Variants in CES1 observed in about 807,000 individuals in gnomAD.
The protein encoded by CES1 is liver carboxylesterase 1.
A neutral mutation model predicts 53.0 loss-of-function variants in CES1; 50 were observed. The ratio of observed to expected loss-of-function variants is 0.94; its 90% CI spans 0.75 to 1.19. CES1 has a LOEUF of 1.19. CES1 is among the 50% of genes most tolerant of loss of function. CES1 has a pLI of 0.00. For missense variants in CES1, 534 were observed against 538.0 expected (o/e 0.99, Z 0.07); for synonymous variants, 202 against 210.1 (o/e 0.96, Z 0.33).
chr16:55,825,734 C>T (rs191876219), intron 3 of CES1, among the ~76,000 whole-genome samples: 2 of 152,336 alleles, frequency 1.3e-5, no homozygotes, highest in African/African-American at 4.8e-5. Context: ...TGGGTGACCT[C>T]CCCTTCCCTG....
chr16:55,813,287 T>C (rs2031786576), intron 8 of CES1, among the ~76,000 whole-genome samples: 2 of 152,202 alleles, frequency 1.3e-5, no homozygotes, highest in Non-Finnish European at 1.5e-5. Context: ...TTGAAATACA[T>C]GTATTATCTA....
chr16:55,811,016 A>C lies in CES1; in HGVS notation c.1087-6T>G, dbSNP rs375953001. 126,452 of 1,507,464 alleles carry C rather than the reference A, an allele frequency of 0.084. 4,652 individuals are homozygous for C. The highest frequency in any genetic ancestry group is 0.097 in the Non-Finnish European group (107,386 of 1,103,684). 93.4% of individuals were successfully genotyped at this position (1,507,464 alleles called of 1,614,324 possible). On this transcript the variant is annotated splice_region_variant and splice_polypyrimidine_tract_variant and intron_variant, in intron 9 of 13. Coordinates refer to ENST00000360526, the MANE Select transcript of CES1 (RefSeq NM_001025195.2). ...AGTGGATAGCTCATCAACTGCTAAA[A>C]AAAAAAAAAAGTTCAGCATTTATGA...
At chr16:55,816,647 A>G (rs1411426094) in intron 8 of CES1, among the ~76,000 whole-genome samples, 1 of 152,176 alleles carries the variant, frequency 6.6e-6, no homozygotes, top group East Asian at 1.9e-4. Flanking sequence ...TTTGGGGAGC[A>G]GAAAATGTAA....
At chr16:55,829,774 G>A (rs1338374376) in intron 1 of CES1, among the ~76,000 whole-genome samples, 2 of 152,244 alleles carry the variant, frequency 1.3e-5, no homozygotes, top group Non-Finnish European at 2.9e-5. Context: ...TCCAGATAAA[G>A]GATGTGATCA....
chr16:55,821,802 A>G (rs1346948320), intron 4 of CES1, among the ~76,000 whole-genome samples: 1 of 152,188 alleles, frequency 6.6e-6, no homozygotes, highest in Non-Finnish European at 1.5e-5. Context: ...ATGACACTGA[A>G]TTCCCACTAC....
At chr16:55,822,460 A>C (rs1379131786) in intron 4 of CES1, among the ~76,000 whole-genome samples, 15 of 152,212 alleles carry the variant, frequency 9.9e-5, no homozygotes, top group African/African-American at 3.6e-4. Flanking sequence ...CCTGAGCCCA[A>C]GGGAGGATGT....
Position 55,814,183 on chromosome 16 carries a change from A to G in CES1, c.946-1140T>C, listed in dbSNP as rs1358321148. ...AGCCTAGACTAGGACATGATTCCCT[A>G]CTAGAGAGAAAATCATGAGTAAAAG... On this transcript the variant is annotated intron_variant, in intron 8 of 13. Coordinates refer to ENST00000360526, the MANE Select transcript of CES1 (RefSeq NM_001025195.2). 2.6e-5 allele frequency among the ~76,000 whole-genome samples: 4 copies of G among 152,244 alleles called. No individual in the cohort carries two copies. The East Asian group carries it at 5.8e-4, about 22-fold the overall frequency.
intron 5 of CES1, 145 bp from the exon 6 acceptor site, chr16:55,820,624 A>T: frequency 5.9e-6 from 8 of 1,345,930 alleles, no homozygotes; most frequent in Non-Finnish European, 8.3e-6. Flanking sequence ...GCCCACCTCA[A>T]GGAGGTGGAA....
At chr16:55,829,905 C>T (rs2032573338) in intron 1 of CES1, among the ~76,000 whole-genome samples, 1 of 152,228 alleles carries the variant, frequency 6.6e-6, no homozygotes, top group South Asian at 2.1e-4. Context: ...TCTGGTTCTA[C>T]CTGTCATGGG....
chr16:55,810,099 A>C (rs1396194631), intron 11 of CES1, among the ~76,000 whole-genome samples: 2 of 152,058 alleles, frequency 1.3e-5, no homozygotes, highest in African/African-American at 4.8e-5. Flanking sequence ...AACCAATGAC[A>C]AGTAGAAGCT....
chr16:55,816,988 G>A, intron 7 of CES1, 26 bp from the exon 8 acceptor site: 2 of 1,614,060 alleles, frequency 1.2e-6, no homozygotes, highest in South Asian at 1.1e-5. Context: ...CAGAGGATGT[G>A]GGTGAGAGGC....
intron 1 of CES1, among the ~76,000 whole-genome samples, chr16:55,829,684 C>T (rs565273029): frequency 9.8e-5 from 15 of 152,288 alleles, no homozygotes; most frequent in African/African-American, 3.1e-4. Context: ...GGAATGAGAC[C>T]GCACATGTCA....
At chr16:55,820,121 G>T in intron 6 of CES1, 1 of 585,556 alleles carries the variant, frequency 1.7e-6, no homozygotes, top group Non-Finnish European at 3.1e-6. Flanking sequence ...ATGAGCTGGA[G>T]TCCCAGCTCT....
chr16:55,830,301 A>C (rs8192931), intron 1 of CES1, among the ~76,000 whole-genome samples: 85,114 of 151,236 alleles, frequency 0.56, 25,226 homozygotes, highest in Non-Finnish European at 0.68. Flanking sequence ...AATAATACTG[A>C]GATGAACTTC....
At chr16:55,818,906 T>C (rs1415352309) in intron 7 of CES1, among the ~76,000 whole-genome samples, 2 of 152,164 alleles carry the variant, frequency 1.3e-5, no homozygotes, top group African/African-American at 4.8e-5. Flanking sequence ...ATAAGGTGGC[T>C]GGATGATCCA....
intron 1 of CES1, among the ~76,000 whole-genome samples, chr16:55,829,391 GC>G (rs2032552555): frequency 6.6e-6 from 1 of 152,250 alleles, no homozygotes; most frequent in South Asian, 2.1e-4. Context: ...TACACCTGGG[GC>G]TACAGCTGGG....
chr16:55,818,006 T>G lies in CES1; in HGVS notation c.907-1044A>C, dbSNP rs1407636313. Among the ~76,000 whole-genome samples, 4 of 152,208 alleles carry G rather than the reference T, an allele frequency of 2.6e-5. No homozygotes were observed. The East Asian group carries it at 7.7e-4, about 29-fold the overall frequency. On this transcript the variant is annotated intron_variant, in intron 7 of 13. Coordinates refer to ENST00000360526, the MANE Select transcript of CES1 (RefSeq NM_001025195.2). The stretch of plus-strand genomic sequence containing the variant: ...AGTTGTGTTTTCATTCCTTGAACAC[T>G]TTGGTCACTTAGAGCCTGAGCCAAG...
intron 7 of CES1, among the ~76,000 whole-genome samples, chr16:55,818,998 T>C (rs1295690468): frequency 6.6e-6 from 1 of 152,198 alleles, no homozygotes; most frequent in East Asian, 1.9e-4. Context: ...TATGAGTGAA[T>C]TGGATGAATT....
chr16:55,832,904 G>T, intron 1 of CES1, 100 bp downstream of exon 1: 1 of 1,100,346 alleles, frequency 9.1e-7, no homozygotes, highest in Non-Finnish European at 1.4e-6. Flanking sequence ...CCGCAGAGCC[G>T]GACCTGTTGT....
Sources: allele counts gnomAD v4.1 joint callset (sites outside exome capture counted in the v4.1 genomes callset), GRCh38; gene constraint gnomAD v4.1.1; transcripts MANE v1.5; gene names NCBI Gene and HGNC (gene_info 2026-07-23, HGNC 2026-07-21).